Variants in TCF20 observed in about 807,000 individuals in gnomAD.
The protein encoded by TCF20 is SPRE-binding protein.
In TCF20, 3 loss-of-function variants were observed where a neutral mutation model predicts 148.6. The ratio of observed to expected loss-of-function variants is 0.02; its 90% CI spans 0.01 to 0.05. The LOEUF (loss-of-function observed/expected upper bound fraction) is 0.05, where lower values mean the gene tolerates loss of function less well. Among genes scored for constraint, TCF20 ranks in the 10% least tolerant of loss-of-function variants. The pLI, the probability that TCF20 is intolerant of heterozygous loss-of-function variation, is 1.00. For missense variants in TCF20, 2,350 were observed against 2,429.3 expected (o/e 0.97, Z 0.69); for synonymous variants, 1,049 against 909.5 (o/e 1.15, Z -2.76).
intron 2 of TCF20, among the ~76,000 whole-genome samples, chr22:42,182,392 T>C (rs972233215): frequency 6.6e-6 from 1 of 152,222 alleles, no homozygotes; most frequent in East Asian, 1.9e-4. Flanking sequence ...AAGATGACCA[T>C]GTGTCAGACA....
chr22:42,219,216 A>G (rs1268841070), intron 1 of TCF20, among the ~76,000 whole-genome samples: 1 of 151,208 alleles, frequency 6.6e-6, no homozygotes, highest in Non-Finnish European at 1.5e-5. Flanking sequence ...TTTTAAATGC[A>G]CAGTGTCATG....
At position 42,209,990 on chromosome 22, in the gene TCF20, C is replaced by G. The variant is rs777251070; in HGVS notation, c.5316G>C (p.Gln1772His). Residue 1772 changes from glutamine to histidine, a missense_variant, in exon 2 of 6, where the codon CAG (glutamine) becomes CAC (histidine). Gln to His is a conservative substitution (Grantham distance 24, BLOSUM62 0). Transcript: ENST00000677622. ...CCAGGCTTCTCTGCTCCTTCTGCTG[C>G]TGCTGCTGCTCTTCCTCCTCCTCAG... ...TDTEEEEEQQ[Q>H]QQKEQRSLAA... The G allele has an allele frequency of 6.2e-7, 1 of 1,613,196 alleles. No individual in the cohort carries two copies. Among genetic ancestry groups the G allele is most frequent in the South Asian group, 1.1e-5 (1 of 91,092 alleles).
intron 1 of TCF20, among the ~76,000 whole-genome samples, chr22:42,328,730 G>A (rs1927917746): frequency 6.6e-6 from 1 of 152,234 alleles, no homozygotes; most frequent in African/African-American, 2.4e-5. Context: ...CTGGCACACG[G>A]TCAGGGCTCA....
chr22:42,241,075 C>T (rs1258096714), intron 1 of TCF20, among the ~76,000 whole-genome samples: 1 of 152,096 alleles, frequency 6.6e-6, no homozygotes, highest in African/African-American at 2.4e-5. Flanking sequence ...AGGCTGGTCT[C>T]GAACTCCTGA....
At chr22:42,163,501 G>A (rs1363165386) in intron 5 of TCF20, among the ~76,000 whole-genome samples, 1 of 152,238 alleles carries the variant, frequency 6.6e-6, no homozygotes, top group African/African-American at 2.4e-5. Flanking sequence ...TAAGCACTAT[G>A]TGCCAGGCCC....
upstream of TCF20, among the ~76,000 whole-genome samples, chr22:42,271,570 G>A (rs757079822): frequency 1.3e-5 from 2 of 152,234 alleles, no homozygotes; most frequent in South Asian, 2.1e-4. Context: ...GACAAGGCCA[G>A]CAAGAGTAGG....
chr22:42,187,437 T>C (rs1317147410), intron 2 of TCF20, among the ~76,000 whole-genome samples: 1 of 152,144 alleles, frequency 6.6e-6, no homozygotes, highest in African/African-American at 2.4e-5. Context: ...ACCTTTCAAG[T>C]CAAATTATAA....
At chr22:42,198,508 C>G (rs1937740493) in intron 2 of TCF20, among the ~76,000 whole-genome samples, 1 of 152,174 alleles carries the variant, frequency 6.6e-6, no homozygotes, top group African/African-American at 2.4e-5. Flanking sequence ...ATAAGCTAAG[C>G]ACATCCTCCT....
chr22:42,239,478 GA>G (rs56961957), intron 1 of TCF20, among the ~76,000 whole-genome samples: 3 of 144,236 alleles, frequency 2.1e-5, no homozygotes, highest in African/African-American at 2.6e-5. Context: ...ATCTCTCTCA[GA>G]AAAAAAAAAA....
intron 1 of TCF20, among the ~76,000 whole-genome samples, chr22:42,245,977 T>G (rs192710677): frequency 6.6e-6 from 1 of 152,178 alleles, no homozygotes; most frequent in African/African-American, 2.4e-5. Flanking sequence ...ACAATACTGT[T>G]GAACACCCTG....
intron 1 of TCF20, chr22:42,269,735 G>C (rs1164870556): frequency 2.0e-5 from 3 of 152,818 alleles, no homozygotes; most frequent in African/African-American, 7.2e-5. Context: ...CGCCCAACCC[G>C]CCGGTACCTG....
At chr22:42,232,411 AAC>A (rs1439301736) in intron 1 of TCF20, among the ~76,000 whole-genome samples, 1 of 152,182 alleles carries the variant, frequency 6.6e-6, no homozygotes, top group Non-Finnish European at 1.5e-5. Context: ...ACAAAAAAAA[AAC>A]AACGTACCAC....
At chr22:42,164,908 G>A (rs986366787) in intron 5 of TCF20, among the ~76,000 whole-genome samples, 1 of 152,234 alleles carries the variant, frequency 6.6e-6, no homozygotes, top group African/African-American at 2.4e-5. Flanking sequence ...GCTGGAGGCA[G>A]CCAGGGGCCT....
intron 1 of TCF20, among the ~76,000 whole-genome samples, chr22:42,242,562 G>A (rs1924538204): frequency 6.6e-6 from 1 of 152,086 alleles, no homozygotes; most frequent in Non-Finnish European, 1.5e-5. Context: ...TCAAAGTCAA[G>A]GATTTAGAAG....
intron 2 of TCF20, among the ~76,000 whole-genome samples, chr22:42,196,233 C>G (rs5751239): frequency 2.6e-5 from 4 of 151,970 alleles, no homozygotes; most frequent in Non-Finnish European, 5.9e-5. Context: ...AGTGGTGTAA[C>G]AGGTAAAATG....
chr22:42,264,746 G>C (rs1926195232), intron 1 of TCF20, among the ~76,000 whole-genome samples: 1 of 152,168 alleles, frequency 6.6e-6, no homozygotes. Flanking sequence ...ATCATCACCT[G>C]ACATTTTTAT....
At position 42,209,927 on chromosome 22, in the gene TCF20, T is replaced by C. The variant is rs1364528009; in HGVS notation, c.5379A>G (p.Glu1793=). 3 of 1,614,046 alleles carry C rather than the reference T, an allele frequency of 1.9e-6. No homozygotes were observed. Among genetic ancestry groups the C allele is most frequent in the Non-Finnish European group, 1.7e-6 (2 of 1,180,038 alleles). ...HPRFKRRHRS[E]DCGGGPRSLS... The stretch of plus-strand genomic sequence containing the variant: ...GGGACCGAGGGCCTCCACCACAGTC[T>C]TCCGAGCGGTGGCGCCGCTTAAACC... Residue 1793 remains glutamate, a synonymous_variant, in exon 2 of 6, where the codon GAA becomes GAG. Transcript: ENST00000677622.
At chr22:42,206,710 T>G (rs746565115) in intron 2 of TCF20, among the ~76,000 whole-genome samples, 2 of 152,096 alleles carry the variant, frequency 1.3e-5, no homozygotes, top group African/African-American at 4.8e-5. Context: ...AATTGGGAGA[T>G]AGGGGACATG....
upstream of TCF20, among the ~76,000 whole-genome samples, chr22:42,273,360 CAAAAAAAAAAAAA>C (rs35166029): frequency 3.3e-5 from 2 of 61,266 alleles, no homozygotes; most frequent in South Asian, 9.7e-4. Flanking sequence ...AACTCCGTCT[CAAAAAAAAAAAAA>C]AAAAAAAAAA....
Sources: allele counts gnomAD v4.1 joint callset (sites outside exome capture counted in the v4.1 genomes callset), GRCh38; gene constraint gnomAD v4.1.1; transcripts MANE v1.5; gene names NCBI Gene and HGNC (gene_info 2026-07-23, HGNC 2026-07-21).